SUGP2: variants seen among roughly 807,000 people sequenced by gnomAD.
SUGP2 encodes SURP and G-patch domain containing 2, also known as SURP and G-patch domain-containing protein 2.
SUGP2 carries 24 observed loss-of-function variants against 90.5 expected under a neutral mutation model. The ratio of observed to expected loss-of-function variants is 0.27; its 90% CI spans 0.19 to 0.37. SUGP2 has a LOEUF of 0.37. SUGP2 is among the 10% of genes least tolerant of loss of function. SUGP2 has a pLI of 1.00. For synonymous variants in SUGP2, 473 were observed against 513.4 expected, an observed-to-expected ratio of 0.92 and a Z score of 1.06; for missense variants, 1,233 against 1,363.3, an observed-to-expected ratio of 0.90 and a Z score of 1.51.
At position 19,011,135 on chromosome 19, in the gene SUGP2, T is replaced by C. The variant is rs528178843; in HGVS notation, c.1851-793A>G. ...GTCTGGGCAACAGAGCAAGACCCTATCTTTAAAAAAAAAAAAAACCTTCTC... is the reference window on the plus strand; with the variant it reads ...GTCTGGGCAACAGAGCAAGACCCTACCTTTAAAAAAAAAAAAAACCTTCTC... On this transcript the variant is annotated intron_variant, in intron 4 of 10. Transcript: ENST00000452918. Among the ~76,000 whole-genome samples the C allele has an allele frequency of 4.7e-5, 7 of 149,152 alleles. No homozygotes were observed. In the East Asian group the frequency reaches 1.4e-3, roughly 29 times the overall value.
At chr19:19,004,130 T>A in intron 7 of SUGP2, 38 bp downstream of exon 7, 2 of 1,469,116 alleles carry the variant, frequency 1.4e-6, no homozygotes, top group Non-Finnish European at 1.8e-6. Flanking sequence ...AACCAAGAAC[T>A]GTGCTAGAGG....
At chr19:19,030,468 C>A (rs1236182302) in intron 2 of SUGP2, among the ~76,000 whole-genome samples, 1 of 152,140 alleles carries the variant, frequency 6.6e-6, no homozygotes, top group African/African-American at 2.4e-5. Flanking sequence ...GAGCCAAGAT[C>A]CCTCCATTGC....
chr19:19,003,873 A>G (rs2057947267), intron 7 of SUGP2, among the ~76,000 whole-genome samples: 2 of 152,158 alleles, frequency 1.3e-5, no homozygotes, highest in Admixed American at 6.5e-5. Flanking sequence ...GCAGGAAAAC[A>G]GCTGAGATGA....
rs754097875 is a variant in SUGP2 at position 19,024,640 on chromosome 19, C to T, written c.1708G>A (p.Ala570Thr). ...TTACCATCACTCAGACTACTTGGAGCCTTGGCCTGAATTTCAGGTTTCGTA... is the reference window on the plus strand; with the variant it reads ...TTACCATCACTCAGACTACTTGGAGTCTTGGCCTGAATTTCAGGTTTCGTA... ...PPTKPEIQAK[A>T]PSSLSDAVPQ... The change falls in exon 3 of 11, where the codon GCT becomes ACT. Residue 570 changes from alanine (A) to threonine (T), a missense_variant. Physicochemically the swap from Ala to Thr is moderately conservative, Grantham distance 58. Transcript: ENST00000452918. 3 of 1,613,856 alleles carry T rather than the reference C, an allele frequency of 1.9e-6. No homozygotes were observed. The highest frequency in any genetic ancestry group is 2.2e-5 in the South Asian group (2 of 91,052).
intron 3 of SUGP2, 93 bp downstream of exon 3, chr19:19,024,526 C>T (rs1418728879): frequency 3.5e-6 from 5 of 1,427,154 alleles, no homozygotes. Context: ...TTCCAATTGG[C>T]TAAAGAACTT....
rs1313544893 is a variant in SUGP2, at chr19:19,033,455, G to A, written c.-30C>T. On this transcript the variant is annotated 5_prime_UTR_variant, in exon 1 of 11. Transcript: ENST00000452918. ...GCCTCACCCCGAGACCACCGCGCGC[G>A]GAGCCACCCCCGCCGCCGCCTCAGG... is the stretch of plus-strand genomic sequence containing the variant. 2.5e-5 allele frequency: 35 copies of A among 1,395,408 alleles called. No homozygotes were observed. The highest frequency in any genetic ancestry group is 3.1e-5 in the Non-Finnish European group (33 of 1,074,370). 86.4% of individuals were successfully genotyped at this position (1,395,408 alleles called of 1,614,324 possible). A position where few individuals can be genotyped will look rare whatever the true frequency, so the allele number is the denominator to read the frequency against.
chr19:19,007,022 C>T lies in SUGP2; in HGVS notation c.2450+1295G>A, dbSNP rs973195374. 5.9e-5 allele frequency among the ~76,000 whole-genome samples: 9 copies of T among 152,322 alleles called. No homozygotes were observed. In the South Asian group the frequency reaches 1.9e-3, roughly 32 times the overall value. On this transcript the variant is annotated intron_variant, in intron 6 of 10. Coordinates refer to ENST00000452918, the MANE Select transcript of SUGP2 (RefSeq NM_001017392.5). ...ACTGTCCAACAAGCTAGGACCAGCA[C>T]GAGGAGTTGAGAGCCCCCTCAGTAG...
Position 19,025,633 on chromosome 19 carries a change from C to T in SUGP2, c.715G>A (p.Gly239Arg), listed in dbSNP as rs770690462. Residue 239 changes from glycine to arginine, a missense_variant, in exon 3 of 11, where the codon GGG becomes AGG. Coordinates refer to ENST00000452918, the MANE Select transcript of SUGP2 (RefSeq NM_001017392.5). Reference protein sequence around the residue: ...GETQGLLTAKGGVGKLVTLRN... With the variant: ...GETQGLLTAKRGVGKLVTLRN... ...AATGTGACAAGTTTCCCAACACCCC[C>T]CTTAGCTGTGAGCAGGCCCTGAGTC... is the stretch of plus-strand genomic sequence containing the variant. 6.8e-6 allele frequency: 11 copies of T among 1,613,950 alleles called. No homozygotes were observed. The highest frequency in any genetic ancestry group is 9.3e-6 in the Non-Finnish European group (11 of 1,180,028).
At chr19:18,998,736 G>A (rs2269869) in intron 8 of SUGP2, among the ~76,000 whole-genome samples, 109,108 of 151,810 alleles carry the variant, frequency 0.72, 39,824 homozygotes, top group East Asian at 0.93. Context: ...GGGCAGAAGT[G>A]TCTCTGCAGG....
At chr19:19,001,515 G>C in intron 8 of SUGP2, 98 bp downstream of exon 8, 1 of 1,254,094 alleles carries the variant, frequency 8.0e-7, no homozygotes, top group Non-Finnish European at 1.2e-6. Flanking sequence ...AGTTTGAAAT[G>C]TTAGCACAGC....
intron 9 of SUGP2, 70 bp downstream of exon 9, chr19:18,995,074 C>T: frequency 1.9e-6 from 3 of 1,568,460 alleles, no homozygotes; most frequent in Non-Finnish European, 2.6e-6. Flanking sequence ...TGTGAAGGAG[C>T]CAAGCGGCAG....
chr19:19,007,791 G>A (rs1185011643), intron 6 of SUGP2, among the ~76,000 whole-genome samples: 2 of 105,138 alleles, frequency 1.9e-5, no homozygotes, highest in South Asian at 3.1e-4. Context: ...ATGAAGTCTC[G>A]CTCTGTTGCC....
In SUGP2 at chr19:19,033,280, G is replaced by A. The variant is rs1397455195; in HGVS notation, c.-12+157C>T. ...GCGCCGGGCCCGGGAGGCCGCAGCC[G>A]GCCACCCAGGCCAACCCGGCGGGGA... On this transcript the variant is annotated intron_variant, in intron 1 of 10. Transcript: ENST00000452918. 3.5e-6 allele frequency: 3 copies of A among 859,718 alleles called. No homozygotes were observed. In the South Asian group the frequency reaches 1.6e-4, roughly 47 times the overall value. 53.3% of individuals were successfully genotyped at this position (859,718 alleles called of 1,614,324 possible). A position where few individuals can be genotyped will look rare whatever the true frequency, so the allele number is the denominator to read the frequency against.
At chr19:19,004,061 A>G (rs2057955958) in intron 7 of SUGP2, 107 bp downstream of exon 7, 2 of 890,976 alleles carry the variant, frequency 2.2e-6, no homozygotes, top group Non-Finnish European at 3.5e-6. Context: ...GGAGTGGTGC[A>G]CAAAACTCTT....
At chr19:18,995,758 C>T (rs540772051) in intron 8 of SUGP2, among the ~76,000 whole-genome samples, 1 of 152,322 alleles carries the variant, frequency 6.6e-6, no homozygotes, top group East Asian at 1.9e-4. Context: ...ACATACCCCT[C>T]CCCGAGTGCT....
intron 3 of SUGP2, among the ~76,000 whole-genome samples, chr19:19,021,337 C>T (rs1031752664): frequency 2.0e-5 from 3 of 152,094 alleles, no homozygotes; most frequent in Admixed American, 1.3e-4. Flanking sequence ...AGTGTGAGCT[C>T]CTCACACATG....
intron 4 of SUGP2, 115 bp from the exon 5 acceptor site, chr19:19,010,457 C>T: frequency 7.2e-7 from 1 of 1,388,662 alleles, no homozygotes. Context: ...CCTCTCCTGT[C>T]TCAGAGGCTC....
chr19:19,026,393 G>C (rs1240711234), intron 2 of SUGP2, among the ~76,000 whole-genome samples, 167 bp from the exon 3 acceptor site: 3 of 152,176 alleles, frequency 2.0e-5, no homozygotes, highest in Non-Finnish European at 4.4e-5. Flanking sequence ...TTTAAAATGC[G>C]TGTGGTGTCA....
chr19:19,010,036 G>A lies in SUGP2; in HGVS notation c.2157C>T (p.Gly719=). Reference sequence around the variant, plus strand: ...GCAGGGATGGTTTTGCCTGTGAGAGGCCTGGAGCCTGCCGGCCGTGGTGTT... The same window carrying A: ...GCAGGGATGGTTTTGCCTGTGAGAGACCTGGAGCCTGCCGGCCGTGGTGTT... The part of the protein sequence containing the change: ...RLKHHGRQAP[G]LSQAKPSLPD... Residue 719 remains glycine (G), a synonymous_variant, in exon 5 of 11, where the codon GGC becomes GGT. Coordinates refer to ENST00000452918, the MANE Select transcript of SUGP2 (RefSeq NM_001017392.5). The A allele has an allele frequency of 6.2e-7, 1 of 1,614,100 alleles. No homozygotes were observed. Among genetic ancestry groups the A allele is most frequent in the Non-Finnish European group, 8.5e-7 (1 of 1,180,024 alleles).
Sources: gnomAD v4.1 joint callset for allele counts (sites outside exome capture counted in the v4.1 genomes callset) on GRCh38, gnomAD v4.1.1 for gene constraint, MANE v1.5 for transcripts, NCBI Gene and HGNC (gene_info 2026-07-23, HGNC 2026-07-21) for gene names.